The following ARFIP1 variants were observed in gnomAD, a reference collection of about 807,000 sequenced individuals.
ARFIP1 encodes ARF interacting protein 1.
ARFIP1 carries 24 observed loss-of-function variants against 42.5 expected under a neutral mutation model. That is an observed-to-expected ratio of 0.57 (90% CI 0.41 to 0.80). The LOEUF is 0.80. Ranked by LOEUF, ARFIP1 falls within the 30% of genes least tolerant of loss-of-function variation. The pLI, the probability that ARFIP1 is intolerant of heterozygous loss-of-function variation, is 0.00. For synonymous variants in ARFIP1, 141 were observed against 153.7 expected (o/e 0.92, Z 0.61); for missense variants, 354 against 434.0 (o/e 0.82, Z 1.64).
intron 8 of ARFIP1, among the ~76,000 whole-genome samples, chr4:152,896,122 TAGAA>T (rs76455286): frequency 0.036 from 5,426 of 149,930 alleles, 132 homozygotes; most frequent in South Asian, 0.11. Context: ...GGGGCCGAGA[TAGAA>T]AGAGAGAGGA....
intron 1 of ARFIP1, among the ~76,000 whole-genome samples, chr4:152,818,346 C>A (rs1192830919): frequency 2.0e-5 from 3 of 152,154 alleles, no homozygotes; most frequent in African/African-American, 7.2e-5. Context: ...GTAATCCAGG[C>A]CATGAGGGGA....
intron 3 of ARFIP1, among the ~76,000 whole-genome samples, chr4:152,866,002 C>T (rs1193962010): frequency 6.6e-6 from 1 of 151,852 alleles, no homozygotes; most frequent in Non-Finnish European, 1.5e-5. Context: ...TTTTCCTAGG[C>T]AGAGGACCCT....
At chr4:152,792,863 T>C (rs1168231512) in intron 1 of ARFIP1, among the ~76,000 whole-genome samples, 1 of 152,190 alleles carries the variant, frequency 6.6e-6, no homozygotes, top group Non-Finnish European at 1.5e-5. Flanking sequence ...AAGAGTTGGA[T>C]GGATTTTAAA....
At position 152,904,904 on chromosome 4, in the gene ARFIP1, A is replaced by G. The variant is rs185800514; in HGVS notation, c.967-5160A>G. Among the ~76,000 whole-genome samples the G allele has an allele frequency of 1.2e-4, 18 of 152,280 alleles. No homozygotes were observed. The East Asian group carries it at 3.5e-3, about 29-fold the overall frequency. On this transcript the variant is annotated intron_variant, in intron 8 of 8. Transcript: ENST00000353617. ...GAATGATTTATATTTTTGGGGGGGT[A>G]TATACCCAGTAATGGGATTGCTGGG...
intron 1 of ARFIP1, among the ~76,000 whole-genome samples, chr4:152,808,299 T>TTTTTTTTTTTTTTTTTC (rs1729164677): frequency 7.7e-6 from 1 of 129,428 alleles, no homozygotes; most frequent in Non-Finnish European, 1.7e-5. Flanking sequence ...TTTTTTTTTT[T>TTTTTTTTTTTTTTTTTC]TTTTTTTTTT....
intron 2 of ARFIP1, among the ~76,000 whole-genome samples, chr4:152,831,933 C>T (rs1248143459): frequency 1.3e-5 from 2 of 151,292 alleles, no homozygotes; most frequent in Non-Finnish European, 2.9e-5. Flanking sequence ...CTCCCTTTGC[C>T]CCCCACCCCC....
In ARFIP1 at chr4:152,888,322, T is replaced by G. The variant is rs201393858; in HGVS notation, c.966+15T>G. 4.5e-6 allele frequency: 7 copies of G among 1,550,846 alleles called. No individual in the cohort carries two copies. In the African/African-American group the frequency reaches 9.6e-5, roughly 21 times the overall value. ...AAGAAAATAAGGTAAATTCTTTACC[T>G]TCTAAGGTCTTTCTGTGGACTTTGA... On this transcript the variant is annotated intron_variant, in intron 8 of 8. Coordinates refer to ENST00000353617, the MANE Select transcript of ARFIP1 (RefSeq NM_001025595.3).
chr4:152,912,024 G>A lies in ARFIP1; in HGVS notation c.*1805G>A, dbSNP rs1738886494. ...AAAGGTACTTCTGTCACTTATAATT[G>A]TTTTAGCTCAGTAAGCTATTTTTTT... On this transcript the variant is annotated 3_prime_UTR_variant, in exon 9 of 9. Coordinates refer to ENST00000353617, the MANE Select transcript of ARFIP1 (RefSeq NM_001025595.3). 1 of 152,262 alleles carries A rather than the reference G, an allele frequency of 6.6e-6. No individual in the cohort carries two copies. Among genetic ancestry groups the A allele is most frequent in the Non-Finnish European group, 1.5e-5 (1 of 67,938 alleles). 9.4% of individuals were successfully genotyped at this position (152,262 alleles called of 1,614,324 possible).
At chr4:152,833,523 A>C (rs982152722) in intron 2 of ARFIP1, among the ~76,000 whole-genome samples, 4 of 152,218 alleles carry the variant, frequency 2.6e-5, no homozygotes, top group African/African-American at 9.6e-5. Context: ...TATATATTCA[A>C]AGGAAATTAA....
chr4:152,905,542 A>ATTG (rs1738248109), intron 8 of ARFIP1, among the ~76,000 whole-genome samples: 1 of 45,958 alleles, frequency 2.2e-5, no homozygotes, highest in Non-Finnish European at 4.2e-5. Context: ...AATTGTAAGA[A>ATTG]TTGTTTTTTT....
intron 2 of ARFIP1, among the ~76,000 whole-genome samples, chr4:152,843,807 C>T (rs1043372072): frequency 1.3e-5 from 2 of 152,114 alleles, no homozygotes; most frequent in Non-Finnish European, 2.9e-5. Context: ...AGGCAGAGAG[C>T]GTGATAGGCT....
intron 3 of ARFIP1, among the ~76,000 whole-genome samples, chr4:152,868,287 T>C (rs1397908696): frequency 6.6e-6 from 1 of 152,226 alleles, no homozygotes; most frequent in African/African-American, 2.4e-5. Context: ...TTTGTTTTAA[T>C]GGGGGTATAA....
At chr4:152,869,193 G>A (rs10155234) in intron 3 of ARFIP1, among the ~76,000 whole-genome samples, 98,874 of 151,970 alleles carry the variant, frequency 0.65, 32,334 homozygotes, top group Admixed American at 0.72. Flanking sequence ...AATATGACCA[G>A]TTATTACTAA....
At chr4:152,846,963 A>G (rs1277913859) in intron 2 of ARFIP1, among the ~76,000 whole-genome samples, 2 of 151,136 alleles carry the variant, frequency 1.3e-5, no homozygotes, top group African/African-American at 4.9e-5. Context: ...CATTGCAGAT[A>G]TTTGATTTTT....
At chr4:152,796,163 C>A in intron 1 of ARFIP1, 1 of 752,732 alleles carries the variant, frequency 1.3e-6, no homozygotes, top group Non-Finnish European at 2.5e-6. Flanking sequence ...GTCACAAGGC[C>A]CACTTCACTC....
At chr4:152,789,550 A>G (rs1316873560) in intron 1 of ARFIP1, among the ~76,000 whole-genome samples, 2 of 152,170 alleles carry the variant, frequency 1.3e-5, no homozygotes, top group African/African-American at 4.8e-5. Flanking sequence ...GAAGCACACA[A>G]TTGGGAATTG....
intron 8 of ARFIP1, among the ~76,000 whole-genome samples, chr4:152,901,372 C>G (rs1270429203): frequency 6.6e-6 from 1 of 152,096 alleles, no homozygotes; most frequent in Non-Finnish European, 1.5e-5. Flanking sequence ...TTTCAGTTAC[C>G]TAGTTTCTAT....
At chr4:152,817,820 A>G (rs1474853201) in intron 1 of ARFIP1, among the ~76,000 whole-genome samples, 3 of 152,254 alleles carry the variant, frequency 2.0e-5, no homozygotes, top group Admixed American at 1.3e-4. Context: ...TTCTACAAAG[A>G]TGATATACAT....
chr4:152,850,609 T>G (rs537583240), intron 2 of ARFIP1: 1 of 152,306 alleles, frequency 6.6e-6, no homozygotes. Flanking sequence ...TCACCTGATT[T>G]CCTTGTTTTG....
Sources: allele counts gnomAD v4.1 joint callset (sites outside exome capture counted in the v4.1 genomes callset), GRCh38; gene constraint gnomAD v4.1.1; transcripts MANE v1.5; gene names NCBI Gene and HGNC (gene_info 2026-07-23, HGNC 2026-07-21).